CLASP2: variants seen among roughly 807,000 people sequenced by gnomAD.
CLASP2 encodes cytoplasmic linker associated protein 2.
A neutral mutation model predicts 194.4 loss-of-function variants in CLASP2; 47 were observed. That is an observed-to-expected ratio of 0.24 (90% confidence interval 0.19 to 0.31). CLASP2 has a LOEUF of 0.31. Among genes scored for constraint, CLASP2 ranks in the 10% least tolerant of loss-of-function variants. The pLI is 1.00. For synonymous variants in CLASP2, 619 were observed against 633.5 expected, an observed-to-expected ratio of 0.98 and a Z score of 0.34; for missense variants, 1,445 against 1,823.6, an observed-to-expected ratio of 0.79 and a Z score of 3.78.
chr3:33,579,728 T>C lies in CLASP2; in HGVS notation c.2347+2093A>G, dbSNP rs145341484. ...CATTTATGAGTCTCCAAAACAATCC[T>C]AAGAAGTACACACTATTATTATCCT... is the stretch of plus-strand genomic sequence containing the variant. On this transcript the variant is annotated intron_variant, in intron 23 of 38. Coordinates refer to ENST00000682230, the MANE Select transcript of CLASP2 (RefSeq NM_001365631.1). Among the ~76,000 whole-genome samples, 438 of 152,260 alleles carry C rather than the reference T, an allele frequency of 2.9e-3. 2 individuals carry two copies. Among genetic ancestry groups the C allele is most frequent in the African/African-American group, 9.4e-3 (389 of 41,546 alleles).
At chr3:33,644,971 A>C in intron 7 of CLASP2, 68 bp from the exon 8 acceptor site, 1 of 1,465,584 alleles carries the variant, frequency 6.8e-7, no homozygotes, top group Non-Finnish European at 9.3e-7. Flanking sequence ...TAAAGCTCAA[A>C]AATAAAATAA....
chr3:33,574,353 T>A (rs879613141), intron 24 of CLASP2: 1 of 610,226 alleles, frequency 1.6e-6, no homozygotes, highest in Non-Finnish European at 2.8e-6. Context: ...GAAAAATAGA[T>A]GTATGTCTAA....
chr3:33,669,098 A>T (rs1363840493), intron 6 of CLASP2, among the ~76,000 whole-genome samples: 2 of 152,250 alleles, frequency 1.3e-5, no homozygotes, highest in Non-Finnish European at 2.9e-5. Context: ...ATTATAGGTC[A>T]TCATTTTGAG....
rs1479861584 is a variant in CLASP2 at position 33,573,333 on chromosome 3, A to G, written c.2476T>C (p.Tyr826His). ...TCTGAATGCATTCCATATGATTCAT[A>G]TCTTCTTCGAGCTGGTTTTTTCTGT... ...DALKKPARRR[Y>H]ESYGMHSDDD... Residue 826 changes from tyrosine to histidine, a missense_variant, in exon 25 of 39, where the codon TAT (tyrosine) becomes CAT (histidine). Tyr to His is a moderately conservative substitution (Grantham distance 83). Around this residue, in one of 4 missense-constraint regions of CLASP2, gnomAD observed 732 missense variants for 987.9 expected, o/e 0.74. Coordinates refer to ENST00000682230, the MANE Select transcript of CLASP2 (RefSeq NM_001365631.1). 1 of 1,613,668 alleles carries G rather than the reference A, an allele frequency of 6.2e-7. No homozygotes were observed. Among genetic ancestry groups the G allele is most frequent in the Non-Finnish European group, 8.5e-7 (1 of 1,179,764 alleles).
intron 34 of CLASP2, among the ~76,000 whole-genome samples, chr3:33,517,897 A>ACTGGCCTC (rs2051834972): frequency 6.6e-6 from 1 of 152,110 alleles, no homozygotes. Context: ...CAAGTGATCT[A>ACTGGCCTC]CTGGCCTCCC....
chr3:33,684,360 T>G lies in CLASP2; in HGVS notation c.643A>C (p.Arg215=), dbSNP rs777078022. ...DLYKRGIPPA[R]LEMIFAKFDE... The stretch of plus-strand genomic sequence containing the variant: ...AGAACCAAATTTAGCAAGACTTACC[T>G]AGCAGGGGGAATTCCTCTCTTATAA... The change falls in exon 6 of 39, where the codon AGA becomes CGA. Residue 215 remains arginine, a splice_region_variant and synonymous_variant. Transcript: ENST00000682230. 2 of 1,562,980 alleles carry G rather than the reference T, an allele frequency of 1.3e-6. No individual in the cohort carries two copies. The highest frequency in any genetic ancestry group is 1.7e-6 in the Non-Finnish European group (2 of 1,153,646).
chr3:33,614,862 G>A (rs1057332973), intron 12 of CLASP2, among the ~76,000 whole-genome samples: 6 of 152,068 alleles, frequency 3.9e-5, no homozygotes, highest in South Asian at 4.2e-4. Flanking sequence ...GTGGTGGCAG[G>A]TGCCTGAAAG....
intron 33 of CLASP2, among the ~76,000 whole-genome samples, chr3:33,536,412 A>G (rs2057350269): frequency 6.6e-6 from 1 of 152,210 alleles, no homozygotes. Context: ...AAGTAAGGGA[A>G]TCAGCCAAGG....
At position 33,718,092 on chromosome 3, in the gene CLASP2, G is replaced by T; in HGVS notation, c.-90C>A. 1.5e-6 allele frequency: 2 copies of T among 1,347,220 alleles called. No individual in the cohort carries two copies. The highest frequency in any genetic ancestry group is 1.9e-6 in the Non-Finnish European group (2 of 1,036,376). The allele number at this position is 1,347,220 out of a possible 1,614,324, so 83.5% of individuals were successfully genotyped here. A position where few individuals can be genotyped will look rare whatever the true frequency, so the allele number is the denominator to read the frequency against. On this transcript the variant is annotated 5_prime_UTR_variant, in exon 1 of 39. Coordinates refer to ENST00000682230, the MANE Select transcript of CLASP2 (RefSeq NM_001365631.1). ...CTCCAGTGCGGGTCCCCGCGGGAGCGGGCGGGACTCACTTAGCCCGCCAGG... is the reference window on the plus strand; with the variant it reads ...CTCCAGTGCGGGTCCCCGCGGGAGCTGGCGGGACTCACTTAGCCCGCCAGG...
At chr3:33,709,971 A>G (rs1479486382) in intron 1 of CLASP2, among the ~76,000 whole-genome samples, 2 of 152,214 alleles carry the variant, frequency 1.3e-5, no homozygotes, top group African/African-American at 4.8e-5. Context: ...AAAAGAACAT[A>G]TATCTTTGAC....
intron 9 of CLASP2, chr3:33,627,337 A>C (rs2154288331): frequency 4.8e-6 from 2 of 413,024 alleles, no homozygotes; most frequent in Middle Eastern, 1.4e-3. Context: ...TTGTAATTTT[A>C]AAAACAAGAT....
intron 29 of CLASP2, among the ~76,000 whole-genome samples, chr3:33,552,413 G>A (rs1227500784): frequency 2.6e-5 from 4 of 152,104 alleles, no homozygotes; most frequent in Non-Finnish European, 2.9e-5. Context: ...CACCGTGCCC[G>A]GCCTATTCTC....
chr3:33,589,274 CATAA>C (rs1197674227), intron 21 of CLASP2, among the ~76,000 whole-genome samples: 1 of 152,018 alleles, frequency 6.6e-6, no homozygotes, highest in African/African-American at 2.4e-5. Flanking sequence ...ACAATTTTGT[CATAA>C]ATATAGATCT....
At position 33,520,355 on chromosome 3, in the gene CLASP2, G is replaced by A. The variant is rs1270825897; in HGVS notation, c.3788-3181C>T. Among the ~76,000 whole-genome samples, 3 of 152,192 alleles carry A rather than the reference G, an allele frequency of 2.0e-5. No homozygotes were observed. In the East Asian group the frequency reaches 5.8e-4, roughly 29 times the overall value. On this transcript the variant is annotated intron_variant, in intron 34 of 38. Transcript: ENST00000682230. ...AGCTGGTAAAAGTAATCAAAGAAATGCAAAGGATAATTTTTAAAAAGTTAT... is the reference window on the plus strand; with the variant it reads ...AGCTGGTAAAAGTAATCAAAGAAATACAAAGGATAATTTTTAAAAAGTTAT...
At chr3:33,598,208 C>T (rs1009370969) in intron 18 of CLASP2, among the ~76,000 whole-genome samples, 1 of 151,258 alleles carries the variant, frequency 6.6e-6, no homozygotes, top group Non-Finnish European at 1.5e-5. Context: ...TAACAAATGT[C>T]AGCCATGAGT....
At chr3:33,548,640 C>G (rs879679351) in intron 30 of CLASP2, among the ~76,000 whole-genome samples, 12 of 152,068 alleles carry the variant, frequency 7.9e-5, no homozygotes, top group African/African-American at 2.4e-4. Flanking sequence ...TCCAGAGTTC[C>G]CTTTTGTAAT....
intron 21 of CLASP2, 101 bp downstream of exon 21, chr3:33,592,294 T>C (rs2068980194): frequency 1.2e-6 from 1 of 854,248 alleles, no homozygotes; most frequent in Admixed American, 2.0e-5. Flanking sequence ...AAATTAGCTT[T>C]GTCTTTATCC....
At chr3:33,553,632 C>A (rs1420811755) in intron 29 of CLASP2, among the ~76,000 whole-genome samples, 2 of 152,126 alleles carry the variant, frequency 1.3e-5, no homozygotes, top group Non-Finnish European at 2.9e-5. Flanking sequence ...CAGGGAAAGG[C>A]AAACTAAAAC....
chr3:33,684,322 G>GAA (rs111738010), intron 6 of CLASP2, 37 bp downstream of exon 6: 454 of 964,422 alleles, frequency 4.7e-4, no homozygotes, highest in South Asian at 8.1e-4. Context: ...AACTAGTGGT[G>GAA]AAAAAAAAAA....
Sources: gnomAD v4.1 joint callset for allele counts (sites outside exome capture counted in the v4.1 genomes callset) on GRCh38, gnomAD v4.1.1 for gene constraint, gnomAD v4.1.1 regional missense constraint, MANE v1.5 for transcripts, NCBI Gene and HGNC (gene_info 2026-07-23, HGNC 2026-07-21) for gene names.